The following SPRY3 variants were observed in gnomAD, a reference collection of about 807,000 sequenced individuals.
The protein encoded by SPRY3 is protein sprouty homolog 3.
A neutral mutation model predicts 20.2 loss-of-function variants in SPRY3; 15 were observed. The observed-to-expected ratio is 0.74, with a 90% confidence interval of 0.50 to 1.14. The LOEUF (loss-of-function observed/expected upper bound fraction) is 1.14. Ranked by LOEUF, SPRY3 falls within the 50% of genes most tolerant of loss-of-function variation. The probability of loss-of-function intolerance (pLI) is 0.00; values close to 1 mark genes in which losing one functional copy is unlikely to be tolerated. For synonymous variants in SPRY3, 143 were observed against 136.5 expected (o/e 1.05, Z -0.33); for missense variants, 364 against 363.9 (o/e 1.00, Z 0.00).
chrX:155,693,505 A>G (rs1043161831), intron 2 of SPRY3, among the ~76,000 whole-genome samples: 4 of 111,876 alleles, frequency 3.6e-5, no homozygotes, highest in African/African-American at 1.3e-4. Context: ...TAGTTGCTAA[A>G]GTTGTTCATG....
At chrX:155,668,522 T>C (rs2068031233) in intron 2 of SPRY3, among the ~76,000 whole-genome samples, 1 of 110,831 alleles carries the variant, frequency 9.0e-6, no homozygotes. Context: ...TATATCCAAT[T>C]TTATTTAGCT....
At chrX:155,635,807 A>T (rs1401783451) in intron 1 of SPRY3, among the ~76,000 whole-genome samples, 2 of 112,013 alleles carry the variant, frequency 1.8e-5, no homozygotes, top group African/African-American at 6.5e-5. Context: ...AGGTGTGGCG[A>T]TTCCTCAGGG....
At chrX:155,734,328 G>A (rs2124566654) in intron 2 of SPRY3, among the ~76,000 whole-genome samples, 1 of 152,140 alleles carries the variant, frequency 6.6e-6, no homozygotes, top group African/African-American at 2.4e-5. Context: ...TGAGGAGAAG[G>A]AAAGAGATGA....
chrX:155,613,502 GAAC>G (rs1174782834), intron 1 of SPRY3, among the ~76,000 whole-genome samples: 5 of 111,084 alleles, frequency 4.5e-5, no homozygotes, highest in Non-Finnish European at 9.4e-5. Flanking sequence ...ATGAGAGTAA[GAAC>G]AACAAAAAAA....
chrX:155,630,199 CAT>C, intron 1 of SPRY3, among the ~76,000 whole-genome samples: 1 of 112,113 alleles, frequency 8.9e-6, no homozygotes, highest in East Asian at 2.8e-4. Flanking sequence ...AACAAGTTAT[CAT>C]AGTTATTATA....
intron 3 of SPRY3, among the ~76,000 whole-genome samples, chrX:155,768,392 G>C (rs1414398459): frequency 3.3e-5 from 5 of 152,034 alleles, no homozygotes; most frequent in Non-Finnish European, 7.4e-5. Flanking sequence ...TATTTTTCTA[G>C]GCGAATGTCA....
At chrX:155,640,650 G>A (rs2067937534) in intron 1 of SPRY3, among the ~76,000 whole-genome samples, 1 of 111,334 alleles carries the variant, frequency 9.0e-6, no homozygotes, top group Admixed American at 9.5e-5. Context: ...AATTTCTTTG[G>A]TTAAGTTGAT....
intron 2 of SPRY3, among the ~76,000 whole-genome samples, chrX:155,675,978 C>G (rs1396079495): frequency 2.7e-5 from 3 of 111,568 alleles, no homozygotes; most frequent in African/African-American, 9.8e-5. Flanking sequence ...TTCTGCTCAT[C>G]ATTAGTTCTT....
chrX:155,730,062 AC>A (rs2091123323), intron 2 of SPRY3, among the ~76,000 whole-genome samples: 1 of 152,160 alleles, frequency 6.6e-6, no homozygotes, highest in Admixed American at 6.5e-5. Flanking sequence ...GTCTCCCAGC[AC>A]AGAAATGCCT....
At chrX:155,675,183 T>C (rs1303451127) in intron 2 of SPRY3, among the ~76,000 whole-genome samples, 1 of 112,136 alleles carries the variant, frequency 8.9e-6, no homozygotes, top group Non-Finnish European at 1.9e-5. Flanking sequence ...AGCATTCATC[T>C]TATCTACTAA....
downstream of SPRY3, chrX:155,780,061 T>A (rs2091454482): frequency 6.0e-6 from 1 of 167,020 alleles, no homozygotes; most frequent in Non-Finnish European, 1.5e-5. Flanking sequence ...GGAATGACAC[T>A]GACTAATGTT....
At position 155,679,699 on chromosome X, in the gene SPRY3, G is replaced by T. The variant is rs769728325; in HGVS notation, c.-282+22674G>T. Among the ~76,000 whole-genome samples, 3 of 111,811 alleles carry T rather than the reference G, an allele frequency of 2.7e-5. No individual in the cohort carries two copies. In the Admixed American group the frequency reaches 2.9e-4, roughly 11 times the overall value. ...ATGGAACTTTCAAATATAGTGAGGG[G>T]AGATAGTCATTAAATAATTACATAC... On this transcript the variant is annotated intron_variant, in intron 2 of 3. Transcript: ENST00000675360.
At chrX:155,614,113 G>A (rs1262319527) in intron 1 of SPRY3, among the ~76,000 whole-genome samples, 1 of 111,987 alleles carries the variant, frequency 8.9e-6, no homozygotes, top group African/African-American at 3.2e-5. Context: ...AGTCTGGCTG[G>A]TATTCATTCA....
intron 2 of SPRY3, among the ~76,000 whole-genome samples, chrX:155,766,808 C>G (rs2091333471): frequency 6.6e-6 from 1 of 152,134 alleles, no homozygotes; most frequent in South Asian, 2.1e-4. Context: ...AAGGAAGGTA[C>G]TCAATAAATA....
intron 2 of SPRY3, among the ~76,000 whole-genome samples, chrX:155,756,020 T>C (rs1326827246): frequency 6.6e-6 from 1 of 151,958 alleles, no homozygotes; most frequent in African/African-American, 2.4e-5. Context: ...GCTAAGAACT[T>C]TATTGAAGTT....
At chrX:155,617,323 A>T (rs2067856941) in intron 1 of SPRY3, among the ~76,000 whole-genome samples, 1 of 110,607 alleles carries the variant, frequency 9.0e-6, no homozygotes, top group Non-Finnish European at 1.9e-5. Flanking sequence ...GCAGGAAAAA[A>T]AGTTATGTTG....
downstream of SPRY3, chrX:155,780,513 A>G (rs2091456965): frequency 6.0e-6 from 1 of 167,000 alleles, no homozygotes; most frequent in Non-Finnish European, 1.5e-5. Context: ...TTTTTTTAAT[A>G]TCTACCAATT....
intron 2 of SPRY3, among the ~76,000 whole-genome samples, chrX:155,714,895 C>A (rs1289956042): frequency 1.3e-5 from 2 of 152,050 alleles, no homozygotes; most frequent in African/African-American, 2.4e-5. Flanking sequence ...CAGCCCACCA[C>A]CAATGTTTGC....
chrX:155,695,391 C>T (rs1180140280), intron 2 of SPRY3, among the ~76,000 whole-genome samples: 1 of 110,704 alleles, frequency 9.0e-6, no homozygotes, highest in African/African-American at 3.3e-5. Flanking sequence ...TCACTGTTCT[C>T]TAGATGCTTT....
Sources: gnomAD v4.1 joint callset for allele counts (sites outside exome capture counted in the v4.1 genomes callset) on GRCh38, gnomAD v4.1.1 for gene constraint, MANE v1.5 for transcripts, NCBI Gene and HGNC (gene_info 2026-07-23, HGNC 2026-07-21) for gene names.